Variants in PELI1 observed in about 807,000 individuals in gnomAD.
PELI1 encodes the protein pellino E3 ubiquitin protein ligase 1.
In PELI1, 15 loss-of-function variants were observed where a neutral mutation model predicts 41.3. The observed-to-expected ratio is 0.36, with a 90% CI of 0.24 to 0.56. The LOEUF (loss-of-function observed/expected upper bound fraction) is 0.56, where lower values mean the gene tolerates loss of function less well. PELI1 is among the 20% of genes least tolerant of loss of function. The probability of loss-of-function intolerance (pLI) is 0.82; values close to 1 mark genes in which losing one functional copy is unlikely to be tolerated. For synonymous variants in PELI1, 178 were observed against 180.1 expected (o/e 0.99, Z 0.09); for missense variants, 403 against 525.5 (o/e 0.77, Z 2.28).
At chr2:64,133,100 A>G (rs1416568024) in intron 1 of PELI1, among the ~76,000 whole-genome samples, 2 of 152,186 alleles carry the variant, frequency 1.3e-5, no homozygotes, top group Non-Finnish European at 2.9e-5. Flanking sequence ...GAATTTCACT[A>G]ACCTGAGGTC....
In PELI1 at chr2:64,116,148, C is replaced by G. The variant is rs543191145; in HGVS notation, c.-69-7769G>C. ...TTAGGAACAGACAGGGTCACGTGCTCCCTGATTGTGGAAGGAGAGCTGTTT... is the reference window on the plus strand; with the variant it reads ...TTAGGAACAGACAGGGTCACGTGCTGCCTGATTGTGGAAGGAGAGCTGTTT... On this transcript the variant is annotated intron_variant, in intron 1 of 6. Transcript: ENST00000358912. Among the ~76,000 whole-genome samples, 9 of 152,236 alleles carry G rather than the reference C, an allele frequency of 5.9e-5. No individual in the cohort carries two copies. In the South Asian group the frequency reaches 1.9e-3, roughly 32 times the overall value.
At chr2:64,101,441 A>T (rs894200926) in intron 3 of PELI1, among the ~76,000 whole-genome samples, 1 of 152,214 alleles carries the variant, frequency 6.6e-6, no homozygotes, top group African/African-American at 2.4e-5. Flanking sequence ...AACATTGCTA[A>T]AAAGAACTTT....
In PELI1 at chr2:64,131,518, T is replaced by C. The variant is rs140437648; in HGVS notation, c.-70+12563A>G. 5.2e-3 allele frequency among the ~76,000 whole-genome samples: 796 copies of C among 152,258 alleles called. 10 individuals are homozygous for C. Among genetic ancestry groups the C allele is most frequent in the African/African-American group, 0.018 (757 of 41,544 alleles). ...ATCCATGCTTGGTTCAATCCTCAGA[T>C]GCAGATTCCATGGATACAGAAGGCC... On this transcript the variant is annotated intron_variant, in intron 1 of 6. Transcript: ENST00000358912.
In PELI1 at chr2:64,094,464, C is replaced by A; in HGVS notation, c.*238G>T. On this transcript the variant is annotated 3_prime_UTR_variant, in exon 7 of 7. Coordinates refer to ENST00000358912, the MANE Select transcript of PELI1 (RefSeq NM_020651.4). ...TCAAATTAGACTATGTCTTTTTCTC[C>A]TCAAAATATATTTTCAAAACTCAGA... is the stretch of plus-strand genomic sequence containing the variant. 1 of 419,532 alleles carries A rather than the reference C, an allele frequency of 2.4e-6. No individual in the cohort carries two copies. The allele number at this position is 419,532 out of a possible 1,614,324, so 26.0% of individuals were successfully genotyped here. A position where few individuals can be genotyped will look rare whatever the true frequency, so the allele number is the denominator to read the frequency against.
intron 1 of PELI1, among the ~76,000 whole-genome samples, chr2:64,111,736 T>A (rs947591371): frequency 2.0e-5 from 3 of 152,192 alleles, no homozygotes; most frequent in African/African-American, 7.2e-5. Context: ...AGAATAATTT[T>A]GGTTCCATAT....
Position 64,140,808 on chromosome 2 carries a change from C to CA in PELI1, c.-70+3272dup, listed in dbSNP as rs59589601. Among the ~76,000 whole-genome samples the CA allele has an allele frequency of 1.5e-4, 17 of 110,684 alleles. 1 individual carries two copies. Among genetic ancestry groups the CA allele is most frequent in the East Asian group, 1.4e-3 (5 of 3,558 alleles). The allele number at this position is 110,684 out of a possible 152,430, so 72.6% of individuals were successfully genotyped here. ...CATGCAAAAAAAAAAAACAAACAAA[C>CA]AAAAAAAAACCTAGGGGCAGAACTT... On this transcript the variant is annotated intron_variant, in intron 1 of 6. Coordinates refer to ENST00000358912, the MANE Select transcript of PELI1 (RefSeq NM_020651.4).
At chr2:64,106,706 T>C (rs1680632486) in intron 2 of PELI1, among the ~76,000 whole-genome samples, 1 of 152,132 alleles carries the variant, frequency 6.6e-6, no homozygotes, top group Admixed American at 6.5e-5. Context: ...TTGCCCAAGG[T>C]CACACAGCTA....
At chr2:64,114,397 AT>A (rs1477930969) in intron 1 of PELI1, among the ~76,000 whole-genome samples, 3 of 152,190 alleles carry the variant, frequency 2.0e-5, no homozygotes, top group African/African-American at 7.2e-5. Context: ...AACACATAGC[AT>A]TTTTACATAA....
chr2:64,114,882 C>T (rs899033632), intron 1 of PELI1, among the ~76,000 whole-genome samples: 5 of 152,302 alleles, frequency 3.3e-5, no homozygotes, highest in Admixed American at 6.5e-5. Flanking sequence ...ATCTTGAAGA[C>T]AACATACATT....
intron 2 of PELI1, among the ~76,000 whole-genome samples, chr2:64,107,117 T>TG (rs1301281446): frequency 2.6e-5 from 4 of 151,974 alleles, no homozygotes; most frequent in African/African-American, 4.8e-5. Context: ...TTAGTGAAGA[T>TG]GGGGTTTCAC....
At chr2:64,108,529 A>C in intron 1 of PELI1, 150 bp from the exon 2 acceptor site, 1 of 479,130 alleles carries the variant, frequency 2.1e-6, no homozygotes, top group Non-Finnish European at 3.7e-6. Context: ...AATAATGATT[A>C]TATATTTTAC....
chr2:64,134,551 A>C (rs1681657452), intron 1 of PELI1, among the ~76,000 whole-genome samples: 2 of 152,194 alleles, frequency 1.3e-5, no homozygotes. Flanking sequence ...GCTACTTTAC[A>C]AAAGATACGT....
Position 64,096,447 on chromosome 2 carries a change from G to A in PELI1, c.467C>T (p.Ala156Val). The A allele has an allele frequency of 6.2e-7, 1 of 1,613,268 alleles. No homozygotes were observed. Among genetic ancestry groups the A allele is most frequent in the Non-Finnish European group, 8.5e-7 (1 of 1,179,268 alleles). ...GATGTTTTTTGATGAGTCAAATCCT[G>A]CAGCATAAATCCGTGCTGTAAAGGG... is the stretch of plus-strand genomic sequence containing the variant. ...NPPFTARIYA[A>V]GFDSSKNIFL... Residue 156 changes from alanine to valine, a missense_variant, in exon 5 of 7, where the codon GCA becomes GTA. Coordinates refer to ENST00000358912, the MANE Select transcript of PELI1 (RefSeq NM_020651.4).
chr2:64,104,749 C>T lies in PELI1; in HGVS notation c.153G>A (p.Gly51=), dbSNP rs769413655. 1 of 1,613,300 alleles carries T rather than the reference C, an allele frequency of 6.2e-7. No individual in the cohort carries two copies. The highest frequency in any genetic ancestry group is 1.1e-5 in the South Asian group (1 of 91,060). ...CAATATGCACAGTGCTGGGCTTCAC[C>T]CCATTTGCCTTAGGTCTTTTAAACA... The part of the protein sequence containing the change: ...FALFKRPKAN[G]VKPSTVHIAC... The change falls in exon 3 of 7, where the codon GGG becomes GGA. Residue 51 remains glycine, a synonymous_variant. Transcript: ENST00000358912.
At position 64,108,358 on chromosome 2, in the gene PELI1, G is replaced by A; in HGVS notation, c.-48C>T. Reference sequence around the variant, plus strand: ...TCTTTGTTCACTGGTCAGGAGCCTTGGGACACCTTTTGCATTATTTCCTAG... The same window carrying A: ...TCTTTGTTCACTGGTCAGGAGCCTTAGGACACCTTTTGCATTATTTCCTAG... On this transcript the variant is annotated 5_prime_UTR_variant, in exon 2 of 7. An upstream open reading frame in the 5' UTR gains an earlier in-frame stop. Transcript: ENST00000358912. 1 of 1,111,426 alleles carries A rather than the reference G, an allele frequency of 9.0e-7. No homozygotes were observed. Among genetic ancestry groups the A allele is most frequent in the Non-Finnish European group, 1.4e-6 (1 of 727,522 alleles). 68.8% of individuals were successfully genotyped at this position (1,111,426 alleles called of 1,614,324 possible). A position where few individuals can be genotyped will look rare whatever the true frequency, so the allele number is the denominator to read the frequency against.
In PELI1 at chr2:64,092,869, A is replaced by G. The variant is rs1188370358; in HGVS notation, c.*1833T>C. 4 of 152,254 alleles carry G rather than the reference A, an allele frequency of 2.6e-5. No individual in the cohort carries two copies. The highest frequency in any genetic ancestry group is 4.4e-5 in the Non-Finnish European group (3 of 68,046). The allele number at this position is 152,254 out of a possible 1,614,324, so 9.4% of individuals were successfully genotyped here. The stretch of plus-strand genomic sequence containing the variant: ...AGACGAATTCAATTATGTATTTTGA[A>G]AAGTATTTACTTAGTTTAAATAAAT... On this transcript the variant is annotated 3_prime_UTR_variant, in exon 7 of 7. Transcript: ENST00000358912.
rs951746305 is a variant in PELI1 at position 64,095,113 on chromosome 2, G to A, written c.846C>T (p.Cys282=). ...ATGCTAGTGTGTTGAACCCTACAGG[G>A]CACTGAGGTCGTGCTGCATTGATTT... ...RQEINAARPQ[C]PVGFNTLAFP... Residue 282 remains cysteine, a synonymous_variant, in exon 7 of 7, where the codon TGC becomes TGT. Transcript: ENST00000358912. 6.2e-7 allele frequency: 1 copy of A among 1,614,138 alleles called. No homozygotes were observed. Among genetic ancestry groups the A allele is most frequent in the Non-Finnish European group, 8.5e-7 (1 of 1,179,998 alleles).
At chr2:64,096,340 C>T (rs767884981) in intron 5 of PELI1, 27 bp from the exon 6 acceptor site, 13 of 1,606,776 alleles carry the variant, frequency 8.1e-6, no homozygotes, top group African/African-American at 8.0e-5. Context: ...CAGTGAGCTT[C>T]CAACTTGTAA....
At chr2:64,110,201 C>T (rs1471362919) in intron 1 of PELI1, among the ~76,000 whole-genome samples, 2 of 144,314 alleles carry the variant, frequency 1.4e-5, no homozygotes, top group Non-Finnish European at 3.0e-5. Flanking sequence ...GCCAAAATTG[C>T]GCCACTGCAC....
Sources: allele counts gnomAD v4.1 joint callset (sites outside exome capture counted in the v4.1 genomes callset), GRCh38; gene constraint gnomAD v4.1.1; transcripts MANE v1.5; gene names NCBI Gene and HGNC (gene_info 2026-07-23, HGNC 2026-07-21).